PRKG1: variants seen among roughly 807,000 people sequenced by gnomAD.
PRKG1 encodes the protein protein kinase cGMP-dependent 1.
A neutral mutation model predicts 88.1 loss-of-function variants in PRKG1; 35 were observed. That is an observed-to-expected ratio of 0.40 (90% confidence interval 0.30 to 0.53). The LOEUF is 0.53. PRKG1 is among the 20% of genes least tolerant of loss of function. PRKG1 has a pLI of 0.59. For synonymous variants in PRKG1, 303 were observed against 292.5 expected, an observed-to-expected ratio of 1.04 and a Z score of -0.37; for missense variants, 540 against 839.8, an observed-to-expected ratio of 0.64 and a Z score of 4.41.
At chr10:51,719,156 A>AAAAGAG (rs57226820) in intron 3 of PRKG1, among the ~76,000 whole-genome samples, 16 of 150,284 alleles carry the variant, frequency 1.1e-4, no homozygotes, top group Admixed American at 1.3e-4. Flanking sequence ...TCTCAAAAAA[A>AAAAGAG]AGAGAGAGAG....
At chr10:52,207,098 T>C (rs1442621900) in intron 9 of PRKG1, among the ~76,000 whole-genome samples, 1 of 152,182 alleles carries the variant, frequency 6.6e-6, no homozygotes, top group Admixed American at 6.5e-5. Context: ...CTGCACATCA[T>C]TGGGAGCAGG....
At chr10:52,097,010 C>T (rs938494217) in intron 7 of PRKG1, among the ~76,000 whole-genome samples, 1 of 151,482 alleles carries the variant, frequency 6.6e-6, no homozygotes, top group African/African-American at 2.4e-5. Flanking sequence ...ATCTTAGTTC[C>T]CATATTCCAT....
At chr10:51,535,728 T>A (rs1842130585) in intron 3 of PRKG1, among the ~76,000 whole-genome samples, 1 of 65,456 alleles carries the variant, frequency 1.5e-5, no homozygotes, top group South Asian at 4.6e-4. Flanking sequence ...ATCAATGATT[T>A]TTTTTTTTTT....
At chr10:51,948,524 C>CTG (rs376853403) in intron 5 of PRKG1, among the ~76,000 whole-genome samples, 270 of 149,598 alleles carry the variant, frequency 1.8e-3, no homozygotes, top group East Asian at 3.1e-3. Flanking sequence ...GTGTGTGTCT[C>CTG]TGTGTGTGTG....
At chr10:51,206,319 G>A (rs1441981431) in intron 2 of PRKG1, among the ~76,000 whole-genome samples, 7 of 151,350 alleles carry the variant, frequency 4.6e-5, no homozygotes, top group African/African-American at 9.7e-5. Context: ...GTGAAACCCC[G>A]TCTCTACTAA....
chr10:51,312,171 C>T (rs1309582564), intron 2 of PRKG1, among the ~76,000 whole-genome samples: 1 of 152,144 alleles, frequency 6.6e-6, no homozygotes, highest in South Asian at 2.1e-4. Flanking sequence ...TGCTCCCAGC[C>T]CTTCCTGATA....
intron 2 of PRKG1, among the ~76,000 whole-genome samples, chr10:51,241,339 C>A (rs1839147872): frequency 6.6e-6 from 1 of 151,552 alleles, no homozygotes; most frequent in Admixed American, 6.6e-5. Context: ...CCTCCTTTAG[C>A]TAATTGCTTC....
intron 3 of PRKG1, among the ~76,000 whole-genome samples, chr10:51,629,149 A>G (rs1405626159): frequency 1.3e-5 from 2 of 152,076 alleles, no homozygotes. Context: ...TGTTTCAGGT[A>G]TATGTATATG....
intron 1 of PRKG1, among the ~76,000 whole-genome samples, chr10:51,132,455 A>C (rs1845588425): frequency 6.6e-6 from 1 of 152,110 alleles, no homozygotes. Context: ...AACATCTTAC[A>C]TGTTACAAAT....
intron 3 of PRKG1, among the ~76,000 whole-genome samples, chr10:51,701,750 A>G (rs776742388): frequency 9.9e-5 from 15 of 152,184 alleles, no homozygotes; most frequent in Non-Finnish European, 2.1e-4. Flanking sequence ...GTAATCATGA[A>G]GATGGTAATG....
At chr10:51,229,926 C>CAAAAAAAAAAAAAAAAA (rs35300789) in intron 2 of PRKG1, among the ~76,000 whole-genome samples, 13 of 33,442 alleles carry the variant, frequency 3.9e-4, no homozygotes, top group Non-Finnish European at 5.6e-4. Flanking sequence ...GAGGCGATCT[C>CAAAAAAAAAAAAAAAAA]AAAAAAAAAA....
chr10:51,628,775 G>A (rs969008044), intron 3 of PRKG1, among the ~76,000 whole-genome samples: 8 of 151,180 alleles, frequency 5.3e-5, no homozygotes, highest in South Asian at 2.1e-4. Context: ...CTGGCTAACA[G>A]GGTGAAACCC....
chr10:51,671,487 G>A (rs79812070), intron 3 of PRKG1, among the ~76,000 whole-genome samples: 70 of 152,046 alleles, frequency 4.6e-4, no homozygotes, highest in South Asian at 1.0e-3. Flanking sequence ...TACCTTTCTT[G>A]GCTTGTAGAT....
At chr10:51,875,995 A>T (rs1382254490) in intron 4 of PRKG1, among the ~76,000 whole-genome samples, 2 of 150,390 alleles carry the variant, frequency 1.3e-5, no homozygotes, top group African/African-American at 2.5e-5. Flanking sequence ...TCAATGACAC[A>T]GCACCCTTTA....
In PRKG1 at chr10:51,659,060, A is replaced by G. The variant is rs190998156; in HGVS notation, c.593-145525A>G. Among the ~76,000 whole-genome samples, 526 of 152,228 alleles carry G rather than the reference A, an allele frequency of 3.5e-3. 3 individuals are homozygous for G. The highest frequency in any genetic ancestry group is 0.012 in the African/African-American group (510 of 41,550). On this transcript the variant is annotated intron_variant, in intron 3 of 17. Transcript: ENST00000373980. ...TCTGTATTTATTATGCAATTTGCCC[A>G]CTTTGCATTTGATTTGGCTGTTTTA...
At chr10:51,369,107 C>A (rs1005945308) in intron 2 of PRKG1, among the ~76,000 whole-genome samples, 3 of 152,090 alleles carry the variant, frequency 2.0e-5, no homozygotes, top group African/African-American at 7.2e-5. Context: ...AAAATCACTG[C>A]CGTAATGCAC....
intron 2 of PRKG1, among the ~76,000 whole-genome samples, chr10:51,381,033 G>A (rs991148446): frequency 6.6e-6 from 1 of 151,922 alleles, no homozygotes; most frequent in Non-Finnish European, 1.5e-5. Flanking sequence ...AATTTGGACG[G>A]GTAAATGTGT....
intron 2 of PRKG1, among the ~76,000 whole-genome samples, chr10:51,186,200 G>A (rs1207361117): frequency 6.6e-6 from 1 of 151,460 alleles, no homozygotes; most frequent in African/African-American, 2.4e-5. Flanking sequence ...ACATATGCAG[G>A]ATATTCTTTG....
intron 12 of PRKG1, among the ~76,000 whole-genome samples, chr10:52,278,815 A>C (rs1261975157): frequency 2.0e-5 from 3 of 151,462 alleles, no homozygotes; most frequent in Non-Finnish European, 2.9e-5. Flanking sequence ...AGGCAGGAGG[A>C]TCACTTGAAC....
Sources: gnomAD v4.1 joint callset for allele counts (sites outside exome capture counted in the v4.1 genomes callset) on GRCh38, gnomAD v4.1.1 for gene constraint, MANE v1.5 for transcripts, NCBI Gene and HGNC (gene_info 2026-07-23, HGNC 2026-07-21) for gene names.